ZNF536: variants seen among roughly 807,000 people sequenced by gnomAD.
ZNF536 encodes zinc finger protein 536.
ZNF536 carries 13 observed loss-of-function variants against 84.5 expected under a neutral mutation model. The ratio of observed to expected loss-of-function variants is 0.15; its 90% CI spans 0.10 to 0.24. ZNF536 has a LOEUF of 0.24. ZNF536 is among the 10% of genes least tolerant of loss of function. ZNF536 has a pLI of 1.00. For missense variants in ZNF536, 1,536 were observed against 1,747.5 expected (o/e 0.88, Z 2.16); for synonymous variants, 811 against 742.5 (o/e 1.09, Z -1.50).
intron 2 of ZNF536, among the ~76,000 whole-genome samples, chr19:30,523,841 G>A (rs1361133998): frequency 6.6e-6 from 1 of 152,216 alleles, no homozygotes; most frequent in East Asian, 1.9e-4. Context: ...CCTCTCTGAG[G>A]CACCACTGTA....
intron 2 of ZNF536, among the ~76,000 whole-genome samples, chr19:30,320,181 TA>T (rs907547722): frequency 3.6e-4 from 54 of 152,040 alleles, no homozygotes; most frequent in African/African-American, 1.2e-3. Flanking sequence ...ATCACATGAT[TA>T]AAAAAAACAT....
intron 1 of ZNF536, among the ~76,000 whole-genome samples, chr19:30,440,737 C>G (rs1158414140): frequency 6.6e-6 from 1 of 152,064 alleles, no homozygotes; most frequent in Non-Finnish European, 1.5e-5. Context: ...TGTGTGAGCT[C>G]AGACCCACAA....
chr19:30,587,761 C>A (rs370304848), intron 1 of ZNF536, among the ~76,000 whole-genome samples: 1 of 152,234 alleles, frequency 6.6e-6, no homozygotes, highest in Non-Finnish European at 1.5e-5. Flanking sequence ...CAGAGCTAAA[C>A]GAGTCGAGGC....
At chr19:30,396,354 AACTTG>A (rs1217297575) in intron 1 of ZNF536, among the ~76,000 whole-genome samples, 3 of 152,228 alleles carry the variant, frequency 2.0e-5, no homozygotes, top group African/African-American at 7.2e-5. Context: ...GGAAGTGTCC[AACTTG>A]ACTTATATTT....
At chr19:30,687,540 A>G (rs750882279) in intron 1 of ZNF536, among the ~76,000 whole-genome samples, 8 of 152,348 alleles carry the variant, frequency 5.3e-5, no homozygotes, top group Non-Finnish European at 1.2e-4. Context: ...GTCGGTGGCT[A>G]AATCTCTTAT....
intron 2 of ZNF536, among the ~76,000 whole-genome samples, chr19:30,330,739 C>T (rs907298197): frequency 6.6e-6 from 1 of 152,138 alleles, no homozygotes; most frequent in African/African-American, 2.4e-5. Flanking sequence ...GGAATGGAAG[C>T]AGGTGGCCAG....
At chr19:30,691,253 C>T (rs1458018789) in intron 1 of ZNF536, among the ~76,000 whole-genome samples, 1 of 152,090 alleles carries the variant, frequency 6.6e-6, no homozygotes, top group East Asian at 1.9e-4. Context: ...CGCTGGCCCA[C>T]CCCCCACATG....
At chr19:30,574,651 C>A (rs1425081750) in intron 1 of ZNF536, among the ~76,000 whole-genome samples, 1 of 152,194 alleles carries the variant, frequency 6.6e-6, no homozygotes, top group Non-Finnish European at 1.5e-5. Context: ...TGCATGCTCA[C>A]TTAGCTTGAA....
chr19:30,248,367 T>C (rs2145018131), intron 1 of ZNF536, among the ~76,000 whole-genome samples: 1 of 151,360 alleles, frequency 6.6e-6, no homozygotes, highest in East Asian at 1.9e-4. Context: ...GGTGCTGGGA[T>C]TACAGACACC....
At chr19:30,315,217 G>A (rs1187691570) in intron 2 of ZNF536, among the ~76,000 whole-genome samples, 1 of 152,196 alleles carries the variant, frequency 6.6e-6, no homozygotes, top group Admixed American at 6.5e-5. Context: ...GAATGAAGAG[G>A]CATGGTCCTT....
At chr19:30,460,583 T>C (rs1184546833) in intron 2 of ZNF536, among the ~76,000 whole-genome samples, 2 of 152,234 alleles carry the variant, frequency 1.3e-5, no homozygotes, top group Non-Finnish European at 2.9e-5. Flanking sequence ...GCCTGTTCTC[T>C]TCTTTTTGGT....
rs566637706 is a variant in ZNF536, at chr19:30,613,977, C to T, written c.169+64463C>T. On this transcript the variant is annotated intron_variant, in intron 1 of 1. Coordinates refer to the ZNF536 transcript ENST00000592773. ...TCCTGCGTTAAAGCGATTCTTCTGTCTCAGCCTCCCGAGTAGCTGGGACTA... is the reference window on the plus strand; with the variant it reads ...TCCTGCGTTAAAGCGATTCTTCTGTTTCAGCCTCCCGAGTAGCTGGGACTA... Among the ~76,000 whole-genome samples, 4 of 152,352 alleles carry T rather than the reference C, an allele frequency of 2.6e-5. No homozygotes were observed. In the South Asian group the frequency reaches 8.3e-4, roughly 32 times the overall value.
chr19:30,499,269 CTATTTATG>C (rs1480831976), intron 2 of ZNF536, among the ~76,000 whole-genome samples: 2 of 151,958 alleles, frequency 1.3e-5, no homozygotes, highest in Non-Finnish European at 2.9e-5. Flanking sequence ...AAGTATTTAT[CTATTTATG>C]TATGTATCTA....
chr19:30,259,806 G>T (rs905977941), intron 1 of ZNF536, among the ~76,000 whole-genome samples: 2 of 152,102 alleles, frequency 1.3e-5, no homozygotes, highest in African/African-American at 4.8e-5. Flanking sequence ...AGGCTGGAGT[G>T]CAGTGGTGCG....
intron 2 of ZNF536, among the ~76,000 whole-genome samples, chr19:30,490,971 A>G (rs2054485702): frequency 6.6e-6 from 1 of 152,074 alleles, no homozygotes; most frequent in Non-Finnish European, 1.5e-5. Flanking sequence ...AGGAGTGGGC[A>G]GGCACTGAGG....
chr19:30,555,306 G>A (rs943128508), intron 4 of ZNF536: 2 of 152,160 alleles, frequency 1.3e-5, no homozygotes, highest in Non-Finnish European at 2.9e-5. Context: ...CAGCATCCAC[G>A]TGAAACTGTT....
intron 1 of ZNF536, among the ~76,000 whole-genome samples, chr19:30,574,241 T>G (rs560218168): frequency 8.2e-4 from 125 of 152,312 alleles, no homozygotes; most frequent in African/African-American, 3.0e-3. Flanking sequence ...TAAAACTATT[T>G]GTGATGTTCT....
chr19:30,587,401 T>C (rs576051888), intron 1 of ZNF536, among the ~76,000 whole-genome samples: 2 of 152,294 alleles, frequency 1.3e-5, no homozygotes, highest in South Asian at 4.2e-4. Context: ...TCAAGATCAG[T>C]TGGTATTACT....
intron 3 of ZNF536, among the ~76,000 whole-genome samples, chr19:30,362,536 G>A (rs1014949312): frequency 4.6e-5 from 7 of 152,254 alleles, no homozygotes; most frequent in Admixed American, 1.3e-4. Context: ...GAAGGAAGTC[G>A]TGCAGGGGCA....
Sources: allele counts gnomAD v4.1 joint callset (sites outside exome capture counted in the v4.1 genomes callset), GRCh38; gene constraint gnomAD v4.1.1; transcripts MANE v1.5; gene names NCBI Gene and HGNC (gene_info 2026-07-23, HGNC 2026-07-21).